CREB5: variants seen among roughly 807,000 people sequenced by gnomAD.
CREB5 encodes the protein cyclic AMP-responsive element-binding protein 5.
A neutral mutation model predicts 57.1 loss-of-function variants in CREB5; 19 were observed. The ratio of observed to expected loss-of-function variants is 0.33; its 90% CI spans 0.23 to 0.49. CREB5 has a LOEUF of 0.49. Ranked by LOEUF, CREB5 falls within the 20% of genes least tolerant of loss-of-function variation. CREB5 has a pLI of 0.99. For synonymous variants in CREB5, 238 were observed against 238.3 expected, an observed-to-expected ratio of 1.00 and a Z score of 0.01; for missense variants, 579 against 671.6, an observed-to-expected ratio of 0.86 and a Z score of 1.52.
intron 1 of CREB5, among the ~76,000 whole-genome samples, chr7:28,403,442 G>T (rs1415339345): frequency 4.6e-5 from 7 of 152,052 alleles, no homozygotes; most frequent in Admixed American, 4.6e-4. Context: ...TATTTTTTCA[G>T]TAACTACTAG....
intron 1 of CREB5, among the ~76,000 whole-genome samples, chr7:28,484,234 T>C (rs1302458256): frequency 1.3e-5 from 2 of 152,204 alleles, no homozygotes; most frequent in Admixed American, 6.5e-5. Context: ...AAAGAATCTA[T>C]GCAGGGCTTT....
intron 5 of CREB5, among the ~76,000 whole-genome samples, chr7:28,601,900 A>C (rs961229170): frequency 4.6e-5 from 7 of 152,198 alleles, no homozygotes; most frequent in African/African-American, 1.7e-4. Context: ...GGACAAAAAA[A>C]GTATGTTTGG....
chr7:28,762,777 A>G (rs978607973), intron 7 of CREB5, among the ~76,000 whole-genome samples: 1 of 151,906 alleles, frequency 6.6e-6, no homozygotes, highest in Admixed American at 6.6e-5. Context: ...ACCTCGATAC[A>G]ATATGAAACT....
intron 4 of CREB5, among the ~76,000 whole-genome samples, chr7:28,539,781 C>T (rs2128627234): frequency 6.6e-6 from 1 of 152,320 alleles, no homozygotes; most frequent in South Asian, 2.1e-4. Flanking sequence ...CCTTAACATC[C>T]TCCAAAGACA....
chr7:28,359,293 C>A (rs1329934928), intron 1 of CREB5, among the ~76,000 whole-genome samples: 1 of 151,280 alleles, frequency 6.6e-6, no homozygotes, highest in Non-Finnish European at 1.5e-5. Flanking sequence ...AAATCACAAT[C>A]TCTTTGAAGC....
intron 1 of CREB5, among the ~76,000 whole-genome samples, chr7:28,326,249 C>A (rs1182858977): frequency 6.6e-6 from 1 of 151,970 alleles, no homozygotes; most frequent in Non-Finnish European, 1.5e-5. Flanking sequence ...ACACTGATAC[C>A]CACAGTTCCA....
At chr7:28,817,427 T>C (rs962855355) in intron 9 of CREB5, among the ~76,000 whole-genome samples, 22 of 152,146 alleles carry the variant, frequency 1.4e-4, no homozygotes, top group Admixed American at 1.2e-3. Flanking sequence ...TTTTCAGATA[T>C]TCTTTTTAGA....
intron 5 of CREB5, among the ~76,000 whole-genome samples, chr7:28,589,610 T>C (rs1796424958): frequency 6.6e-6 from 1 of 152,176 alleles, no homozygotes; most frequent in South Asian, 2.1e-4. Context: ...GTGGTTCTTT[T>C]TGTTGCTGTT....
chr7:28,306,612 G>C (rs376163061), intron 1 of CREB5, among the ~76,000 whole-genome samples: 155 of 133,910 alleles, frequency 1.2e-3, no homozygotes, highest in African/African-American at 3.7e-3. Context: ...CCAGGCTGGA[G>C]TGCAGTGGCG....
chr7:28,299,979 G>A (rs980067822), intron 1 of CREB5, among the ~76,000 whole-genome samples: 7 of 151,716 alleles, frequency 4.6e-5, no homozygotes, highest in Non-Finnish European at 8.8e-5. Context: ...TAATTTCTCC[G>A]GATCCATTTT....
intron 5 of CREB5, among the ~76,000 whole-genome samples, chr7:28,678,386 C>A (rs1382973059): frequency 2.0e-5 from 3 of 149,318 alleles, no homozygotes; most frequent in Admixed American, 6.7e-5. Flanking sequence ...AGACTCTGCT[C>A]AAAAAAAATA....
At chr7:28,558,668 A>C (rs550536213) in intron 4 of CREB5, among the ~76,000 whole-genome samples, 7 of 152,316 alleles carry the variant, frequency 4.6e-5, no homozygotes, top group Admixed American at 1.3e-4. Flanking sequence ...AGGAGAGAAC[A>C]GGAGCTGAGA....
At position 28,742,319 on chromosome 7, in the gene CREB5, C is replaced by A. The variant is rs543494631; in HGVS notation, c.702+17987C>A. On this transcript the variant is annotated intron_variant, in intron 7 of 10. Transcript: ENST00000357727. ...CGGTGGCTCACGCCTGTAATCCCAG[C>A]ACTTTGGGAGGCCGAGGCGGGCAGA... is the stretch of plus-strand genomic sequence containing the variant. Among the ~76,000 whole-genome samples, 15 of 152,070 alleles carry A rather than the reference C, an allele frequency of 9.9e-5. No homozygotes were observed. In the East Asian group the frequency reaches 2.7e-3, roughly 28 times the overall value.
chr7:28,691,419 C>CAAAA (rs1562574947), intron 5 of CREB5, among the ~76,000 whole-genome samples: 16 of 91,988 alleles, frequency 1.7e-4, no homozygotes, highest in African/African-American at 4.1e-4. Context: ...GACTCTGTCT[C>CAAAA]CAAAAAAAAA....
chr7:28,695,469 T>C (rs945260870), intron 5 of CREB5, among the ~76,000 whole-genome samples: 1 of 152,150 alleles, frequency 6.6e-6, no homozygotes, highest in Non-Finnish European at 1.5e-5. Flanking sequence ...AGGCAGGCCC[T>C]TGAGACTCTG....
chr7:28,443,783 T>C (rs1444993159), intron 1 of CREB5, among the ~76,000 whole-genome samples: 1 of 152,196 alleles, frequency 6.6e-6, no homozygotes, highest in Non-Finnish European at 1.5e-5. Context: ...TATAAAATGA[T>C]AATTCACTTA....
chr7:28,417,693 A>G (rs1474285055), intron 1 of CREB5, among the ~76,000 whole-genome samples: 3 of 152,214 alleles, frequency 2.0e-5, no homozygotes, highest in African/African-American at 7.2e-5. Flanking sequence ...ATCTCTAAGG[A>G]ATCTTCTACT....
chr7:28,565,708 G>T (rs987534178), intron 4 of CREB5, among the ~76,000 whole-genome samples: 3 of 152,114 alleles, frequency 2.0e-5, no homozygotes, highest in Non-Finnish European at 4.4e-5. Context: ...GGATCAAAAG[G>T]TCAGGAGTTC....
intron 1 of CREB5, among the ~76,000 whole-genome samples, chr7:28,425,088 A>G (rs1788444104): frequency 6.6e-6 from 1 of 152,192 alleles, no homozygotes; most frequent in Non-Finnish European, 1.5e-5. Flanking sequence ...TTTGTCACAG[A>G]AAATTTTTAA....
Sources: gnomAD v4.1 joint callset for allele counts (sites outside exome capture counted in the v4.1 genomes callset) on GRCh38, gnomAD v4.1.1 for gene constraint, MANE v1.5 for transcripts, NCBI Gene and HGNC (gene_info 2026-07-23, HGNC 2026-07-21) for gene names.